The following RBFOX1 variants were observed in gnomAD, a reference collection of about 807,000 sequenced individuals.
RBFOX1 encodes the protein RNA binding protein fox-1 homolog 1.
In RBFOX1, 8 loss-of-function variants were observed where a neutral mutation model predicts 57.7. That is an observed-to-expected ratio of 0.14 (90% CI 0.08 to 0.25). The LOEUF is 0.25. RBFOX1 is among the 10% of genes least tolerant of loss of function. The pLI is 1.00. For synonymous variants in RBFOX1, 326 were observed against 222.4 expected (o/e 1.47, Z -4.15); for missense variants, 611 against 548.5 (o/e 1.11, Z -1.14).
intron 3 of RBFOX1, among the ~76,000 whole-genome samples, chr16:6,956,580 G>C (rs998622000): frequency 4.6e-5 from 7 of 152,210 alleles, no homozygotes; most frequent in Non-Finnish European, 8.8e-5. Context: ...CCTCTGGTCA[G>C]GTGTGGGAGA....
At chr16:7,694,652 G>C (rs571342236) in intron 14 of RBFOX1, among the ~76,000 whole-genome samples, 1 of 152,138 alleles carries the variant, frequency 6.6e-6, no homozygotes, top group African/African-American at 2.4e-5. Context: ...GAGAGGTGGC[G>C]ACATCCTTAA....
intron 4 of RBFOX1, among the ~76,000 whole-genome samples, chr16:7,362,196 T>C (rs769569403): frequency 1.3e-5 from 2 of 151,806 alleles, no homozygotes; most frequent in African/African-American, 2.4e-5. Flanking sequence ...TGTGTTTGTG[T>C]ATGATTGTGT....
At chr16:5,795,320 T>C (rs1316163803) in intron 3 of RBFOX1, among the ~76,000 whole-genome samples, 1 of 151,982 alleles carries the variant, frequency 6.6e-6, no homozygotes, top group Admixed American at 6.6e-5. Context: ...TTTTTTTTTC[T>C]TGAAACAAGG....
At chr16:6,546,424 C>T (rs1279362021) in intron 2 of RBFOX1, among the ~76,000 whole-genome samples, 1 of 152,204 alleles carries the variant, frequency 6.6e-6, no homozygotes, top group African/African-American at 2.4e-5. Flanking sequence ...AGGGTGTCAG[C>T]TGGGTCATGC....
chr16:7,149,901 C>G (rs940497806), intron 4 of RBFOX1, among the ~76,000 whole-genome samples: 1 of 152,206 alleles, frequency 6.6e-6, no homozygotes, highest in Non-Finnish European at 1.5e-5. Flanking sequence ...ACTGTCTCAT[C>G]TAAACTCCAG....
intron 2 of RBFOX1, among the ~76,000 whole-genome samples, chr16:6,417,875 A>G (rs984361865): frequency 6.6e-6 from 1 of 152,120 alleles, no homozygotes; most frequent in Non-Finnish European, 1.5e-5. Flanking sequence ...TAACCTAAAG[A>G]AAGCAAAAGA....
intron 2 of RBFOX1, among the ~76,000 whole-genome samples, chr16:6,641,676 A>C (rs1035782000): frequency 7.4e-6 from 1 of 135,766 alleles, no homozygotes; most frequent in African/African-American, 2.7e-5. Flanking sequence ...CGGAGGTTGC[A>C]GTGAGCTGAG....
At chr16:7,603,096 T>C (rs548073208) in intron 9 of RBFOX1, among the ~76,000 whole-genome samples, 19 of 152,242 alleles carry the variant, frequency 1.2e-4, no homozygotes, top group African/African-American at 4.1e-4. Context: ...AAAAAGTGTA[T>C]AGTAATAAAC....
intron 4 of RBFOX1, among the ~76,000 whole-genome samples, chr16:5,985,559 A>C (rs921507862): frequency 6.6e-6 from 1 of 152,180 alleles, no homozygotes; most frequent in African/African-American, 2.4e-5. Flanking sequence ...GGGAAGGTTC[A>C]AACCCAGGCA....
chr16:6,591,274 C>G lies in RBFOX1; in HGVS notation c.-63-63329C>G, dbSNP rs191968365. On this transcript the variant is annotated intron_variant, in intron 2 of 15. Transcript: ENST00000550418. ...CAGCCTGGCCAACATGATGAAACAC[C>G]ACCTCTACTAAAAATATATATTTTT... Among the ~76,000 whole-genome samples, 10 of 152,196 alleles carry G rather than the reference C, an allele frequency of 6.6e-5. No individual in the cohort carries two copies. In the East Asian group the frequency reaches 1.9e-3, roughly 29 times the overall value.
chr16:6,372,474 G>T (rs1300999105), intron 2 of RBFOX1, among the ~76,000 whole-genome samples: 2 of 151,792 alleles, frequency 1.3e-5, no homozygotes, highest in African/African-American at 4.8e-5. Context: ...TAGGAGTATT[G>T]TTGGATGGAA....
At chr16:6,041,866 T>A (rs543540215) in intron 1 of RBFOX1, among the ~76,000 whole-genome samples, 1 of 152,236 alleles carries the variant, frequency 6.6e-6, no homozygotes, top group South Asian at 2.1e-4. Flanking sequence ...AATATTGATT[T>A]CCTGTTTTAA....
At chr16:7,109,545 T>G (rs7188783) in intron 4 of RBFOX1, among the ~76,000 whole-genome samples, 2 of 151,624 alleles carry the variant, frequency 1.3e-5, no homozygotes, top group Non-Finnish European at 2.9e-5. Flanking sequence ...GAGAGGGAGG[T>G]CTCTGCAGTT....
intron 4 of RBFOX1, among the ~76,000 whole-genome samples, chr16:7,305,667 A>G (rs988760396): frequency 2.0e-5 from 3 of 152,166 alleles, no homozygotes; most frequent in Admixed American, 6.5e-5. Flanking sequence ...ATAAAATGTC[A>G]GGATTCTGTT....
intron 4 of RBFOX1, among the ~76,000 whole-genome samples, chr16:7,297,487 G>C (rs2095920968): frequency 6.6e-6 from 1 of 152,130 alleles, no homozygotes; most frequent in Non-Finnish European, 1.5e-5. Flanking sequence ...AAGAGATTCT[G>C]GGTTACTGAA....
chr16:5,387,964 G>A (rs2066301144), intron 1 of RBFOX1, among the ~76,000 whole-genome samples: 1 of 152,172 alleles, frequency 6.6e-6, no homozygotes, highest in Non-Finnish European at 1.5e-5. Flanking sequence ...TTTGAAGGTG[G>A]AGGAGGGGAC....
chr16:6,775,909 T>A (rs1312050707), intron 3 of RBFOX1: 1 of 152,238 alleles, frequency 6.6e-6, no homozygotes, highest in East Asian at 1.9e-4. Flanking sequence ...TGTGAGTGCT[T>A]CTTTCCAAGT....
chr16:7,456,354 G>T (rs562253777), intron 4 of RBFOX1, among the ~76,000 whole-genome samples: 1 of 152,280 alleles, frequency 6.6e-6, no homozygotes, highest in African/African-American at 2.4e-5. Flanking sequence ...ACCTTTTAAT[G>T]TATAGTCACC....
chr16:5,771,899 C>G (rs759608087), intron 3 of RBFOX1, among the ~76,000 whole-genome samples: 76 of 152,136 alleles, frequency 5.0e-4, no homozygotes, highest in Non-Finnish European at 9.1e-4. Context: ...TTGGGCTGGG[C>G]ACAGTGGCTC....
Sources: allele counts gnomAD v4.1 joint callset (sites outside exome capture counted in the v4.1 genomes callset), GRCh38; gene constraint gnomAD v4.1.1; transcripts MANE v1.5; gene names NCBI Gene and HGNC (gene_info 2026-07-23, HGNC 2026-07-21).